The following FBLN2 variants were observed in gnomAD, a reference collection of about 807,000 sequenced individuals.
FBLN2 encodes fibulin-2.
A neutral mutation model predicts 123.7 loss-of-function variants in FBLN2; 81 were observed. That is an observed-to-expected ratio of 0.65 (90% CI 0.55 to 0.79). The LOEUF is 0.79. Ranked by LOEUF, FBLN2 falls within the 30% of genes least tolerant of loss-of-function variation. The pLI is 0.00. For synonymous variants in FBLN2, 699 were observed against 701.4 expected (o/e 1.00, Z 0.05); for missense variants, 1,603 against 1,681.3 (o/e 0.95, Z 0.81).
intron 4 of FBLN2, among the ~76,000 whole-genome samples, chr3:13,610,555 A>G (rs969431845): frequency 6.6e-6 from 1 of 152,166 alleles, no homozygotes; most frequent in East Asian, 1.9e-4. Flanking sequence ...AGGCTGGACC[A>G]TAAAGGACAG....
intron 2 of FBLN2, among the ~76,000 whole-genome samples, chr3:13,595,512 G>GT (rs1214908824): frequency 3.9e-5 from 6 of 152,078 alleles, no homozygotes; most frequent in Non-Finnish European, 8.8e-5. Flanking sequence ...AGACCTTCAG[G>GT]TAACCCTCCC....
Position 13,623,057 on chromosome 3 carries a change from C to A in FBLN2, c.2296+1142C>A, listed in dbSNP as rs58626692. The stretch of plus-strand genomic sequence containing the variant: ...ATGTCCAGCCTGGACATATCCCCTT[C>A]CTTCCTCGCCTTTCACCACTGGGCA... On this transcript the variant is annotated intron_variant, in intron 9 of 17. Coordinates refer to ENST00000404922, the MANE Select transcript of FBLN2 (RefSeq NM_001004019.2). Among the ~76,000 whole-genome samples the A allele has an allele frequency of 8.8e-3, 1,341 of 152,352 alleles. 33 individuals are homozygous for A. The highest frequency in any genetic ancestry group is 0.031 in the African/African-American group (1,282 of 41,576).
intron 2 of FBLN2, among the ~76,000 whole-genome samples, chr3:13,603,465 C>G (rs1450934019): frequency 6.8e-6 from 1 of 147,576 alleles, no homozygotes; most frequent in African/African-American, 2.5e-5. Context: ...TCAATTCCCA[C>G]CTATGAGTGA....
At chr3:13,596,393 T>A (rs1480410408) in intron 2 of FBLN2, among the ~76,000 whole-genome samples, 1 of 152,130 alleles carries the variant, frequency 6.6e-6, no homozygotes, top group Non-Finnish European at 1.5e-5. Flanking sequence ...GCAGGTGGGA[T>A]TTAGGTTGTT....
Position 13,618,119 on chromosome 3 carries a change from C to T in FBLN2, c.1773C>T (p.Gly591=). ...EMAGREALSL[G]TEAELPNSLP... Reference sequence around the variant, plus strand: ...CGGGCCGAGAGGCCCTGTCACTGGGCACAGAGGCCGAGCTGCCGAACAGCC... The same window carrying T: ...CGGGCCGAGAGGCCCTGTCACTGGGTACAGAGGCCGAGCTGCCGAACAGCC... The change falls in exon 6 of 18, where the codon GGC becomes GGT. Residue 591 remains glycine, a synonymous_variant. Coordinates refer to ENST00000404922, the MANE Select transcript of FBLN2 (RefSeq NM_001004019.2). The T allele has an allele frequency of 6.2e-7, 1 of 1,613,510 alleles. No homozygotes were observed. Among genetic ancestry groups the T allele is most frequent in the Non-Finnish European group, 8.5e-7 (1 of 1,179,904 alleles).
At chr3:13,555,396 C>T (rs1308466355) in intron 1 of FBLN2, among the ~76,000 whole-genome samples, 1 of 152,056 alleles carries the variant, frequency 6.6e-6, no homozygotes, top group Non-Finnish European at 1.5e-5. Context: ...GTATGCCCTG[C>T]CACAGCCTTG....
Position 13,585,857 on chromosome 3 carries a change from G to T in FBLN2, c.1306+14196G>T, listed in dbSNP as rs1016109987. 3.9e-5 allele frequency among the ~76,000 whole-genome samples: 6 copies of T among 152,200 alleles called. 1 individual carries two copies. Among genetic ancestry groups the T allele is most frequent in the East Asian group, 3.8e-4 (2 of 5,198 alleles). On this transcript the variant is annotated intron_variant, in intron 2 of 17. Transcript: ENST00000404922. ...TAGTTAGTTACAGTGCATCATACTT[G>T]ATAATGAATGTCTGTGTTACCAGTT... is the stretch of plus-strand genomic sequence containing the variant.
intron 2 of FBLN2, among the ~76,000 whole-genome samples, chr3:13,599,443 A>C (rs1171248749): frequency 6.6e-6 from 1 of 152,126 alleles, no homozygotes; most frequent in Non-Finnish European, 1.5e-5. Context: ...TAGAGAAAGG[A>C]GGTCAGGAGG....
rs868392540 is a variant in FBLN2 at position 13,571,157 on chromosome 3, G to A, written c.802G>A (p.Ala268Thr). ...CCTGGGTCCCCCAGCCCCAGTGCAG[G>A]CCAAAGCTAGGAGAGTGACCGAGGA... Reference protein sequence around the residue: ...AALGPPAPVQAKARRVTEDSE... With the variant: ...AALGPPAPVQTKARRVTEDSE... The change falls in exon 2 of 18, where the codon GCC becomes ACC. Residue 268 changes from alanine to threonine, a missense_variant. Coordinates refer to ENST00000404922, the MANE Select transcript of FBLN2 (RefSeq NM_001004019.2). The A allele has an allele frequency of 7.1e-6, 11 of 1,558,490 alleles. No homozygotes were observed. The highest frequency in any genetic ancestry group is 2.4e-5 in the East Asian group (1 of 41,496).
In FBLN2 at chr3:13,571,288, C is replaced by T; in HGVS notation, c.933C>T (p.Ala311=). Reference sequence around the variant, plus strand: ...GGCTGGATGGGCTGCCCACTACAGCCCCAGCTGGACCCAGTCTTCCTATCC... The same window carrying T: ...GGCTGGATGGGCTGCCCACTACAGCTCCAGCTGGACCCAGTCTTCCTATCC... ...HRGLDGLPTT[A]PAGPSLPIQE... Residue 311 remains alanine (A), a synonymous_variant, in exon 2 of 18, where the codon GCC becomes GCT. Coordinates refer to ENST00000404922, the MANE Select transcript of FBLN2 (RefSeq NM_001004019.2). 1 of 1,575,888 alleles carries T rather than the reference C, an allele frequency of 6.3e-7. No homozygotes were observed.
chr3:13,571,131 C>T lies in FBLN2; in HGVS notation c.776C>T (p.Ala259Val). Reference sequence around the variant, plus strand: ...CTCCCCAGGCCCACAGCGGCTGCTGCCCTGGGTCCCCCAGCCCCAGTGCAG... The same window carrying T: ...CTCCCCAGGCCCACAGCGGCTGCTGTCCTGGGTCCCCCAGCCCCAGTGCAG... Reference protein sequence around the residue: ...AVLPRPTAAAALGPPAPVQAK... With the variant: ...AVLPRPTAAAVLGPPAPVQAK... The change falls in exon 2 of 18, where the codon GCC (alanine) becomes GTC (valine). Residue 259 changes from alanine (A) to valine (V), a missense_variant. Physicochemically the swap from Ala to Val is moderately conservative, Grantham distance 64. Transcript: ENST00000404922. 1.9e-6 allele frequency: 3 copies of T among 1,552,574 alleles called. No homozygotes were observed. The highest frequency in any genetic ancestry group is 1.7e-4 in the Middle Eastern group (1 of 5,986).
rs796110776 is a variant in FBLN2 at position 13,637,817 on chromosome 3, C to T, written c.3594C>T (p.Pro1198=). 7 of 1,613,802 alleles carry T rather than the reference C, an allele frequency of 4.3e-6. No homozygotes were observed. The African/African-American group carries it at 9.3e-5, about 22-fold the overall frequency. The change falls in exon 18 of 18, where the codon CCC becomes CCT. Residue 1198 remains proline, a synonymous_variant. Transcript: ENST00000404922. ...VVYLQRAVLE[P]RDFALDVEMK... ...ACCTGCAGCGGGCCGTGCTGGAGCC[C>T]CGGGACTTTGCCCTGGACGTGGAGA... is the stretch of plus-strand genomic sequence containing the variant.
At chr3:13,627,542 C>A (rs1351429676) in intron 10 of FBLN2, among the ~76,000 whole-genome samples, 2 of 152,206 alleles carry the variant, frequency 1.3e-5, no homozygotes, top group Non-Finnish European at 2.9e-5. Flanking sequence ...TAAGATGGGG[C>A]TTGTCATGAC....
chr3:13,606,332 A>G (rs1033187970), intron 2 of FBLN2, among the ~76,000 whole-genome samples: 2 of 152,234 alleles, frequency 1.3e-5, no homozygotes, highest in African/African-American at 4.8e-5. Flanking sequence ...AGTCTATTAT[A>G]TGTGTACATG....
rs201140245 is a variant in FBLN2, at chr3:13,570,526, G to A, written c.171G>A (p.Thr57=). 112 of 1,592,428 alleles carry A rather than the reference G, an allele frequency of 7.0e-5. No homozygotes were observed. The Admixed American group carries it at 9.1e-4, about 13-fold the overall frequency. The change falls in exon 2 of 18, where the codon ACG becomes ACA. Residue 57 remains threonine, a synonymous_variant. Transcript: ENST00000404922. ...TGGAGCCGGGTGCCTGCTGTGCCAC[G>A]TGTGTGCAGCAGGGCTGCGCCTGCG... ...EALEPGACCA[T]CVQQGCACEG...
chr3:13,618,378 C>T, intron 6 of FBLN2, 93 bp downstream of exon 6: 1 of 1,176,634 alleles, frequency 8.5e-7, no homozygotes, highest in South Asian at 1.4e-5. Context: ...TGGGGTCCTT[C>T]ACTTCCTGTT....
At chr3:13,551,256 G>A (rs1341008224) in intron 1 of FBLN2, among the ~76,000 whole-genome samples, 2 of 152,224 alleles carry the variant, frequency 1.3e-5, no homozygotes, top group Non-Finnish European at 2.9e-5. Flanking sequence ...CGAGGCCTTA[G>A]TCGTTGAAGC....
At chr3:13,549,968 C>T (rs559871459) in intron 1 of FBLN2, among the ~76,000 whole-genome samples, 16 of 152,332 alleles carry the variant, frequency 1.1e-4, no homozygotes, top group Admixed American at 1.0e-3. Context: ...CCCTCTGACA[C>T]GCACACACGT....
chr3:13,594,833 T>C (rs7609773), intron 2 of FBLN2, among the ~76,000 whole-genome samples: 1 of 152,084 alleles, frequency 6.6e-6, no homozygotes, highest in African/African-American at 2.4e-5. Context: ...GAGCCTGCTG[T>C]GAGAGTGGGC....
Sources: gnomAD v4.1 joint callset for allele counts (sites outside exome capture counted in the v4.1 genomes callset) on GRCh38, gnomAD v4.1.1 for gene constraint, MANE v1.5 for transcripts, NCBI Gene and HGNC (gene_info 2026-07-23, HGNC 2026-07-21) for gene names.